The following TGM4 variants were observed in gnomAD, a reference collection of about 807,000 sequenced individuals.
The protein encoded by TGM4 is transglutaminase 4.
Under a neutral mutation model 76.3 loss-of-function variants are expected in TGM4, and 61 were observed. That is an observed-to-expected ratio of 0.80 (90% confidence interval 0.65 to 0.99). TGM4 has a LOEUF of 0.99. Among genes scored for constraint, TGM4 ranks in the 50% least tolerant of loss-of-function variants. TGM4 has a pLI of 0.00. For missense variants in TGM4, 794 were observed against 843.2 expected (o/e 0.94, Z 0.72); for synonymous variants, 337 against 329.8 (o/e 1.02, Z -0.24).
intron 6 of TGM4, 95 bp from the exon 7 acceptor site, chr3:44,901,429 G>T: frequency 2.9e-6 from 4 of 1,397,504 alleles, no homozygotes; most frequent in Non-Finnish European, 2.9e-6. Context: ...GACATTATGA[G>T]GTGTCCACTT....
At chr3:44,912,986 CTT>C (rs1700024673) in intron 13 of TGM4, among the ~76,000 whole-genome samples, 1 of 152,216 alleles carries the variant, frequency 6.6e-6, no homozygotes, top group Non-Finnish European at 1.5e-5. Flanking sequence ...TGGTCTGTTT[CTT>C]ACAGGATGTC....
intron 1 of TGM4, among the ~76,000 whole-genome samples, chr3:44,875,745 G>A (rs1699443293): frequency 6.6e-6 from 1 of 152,232 alleles, no homozygotes; most frequent in Admixed American, 6.5e-5. Flanking sequence ...TCTGCAAAGG[G>A]ACTAAGCCAG....
In TGM4 at chr3:44,913,800, T is replaced by G; in HGVS notation, c.*75T>G. 1.3e-6 allele frequency: 2 copies of G among 1,536,104 alleles called. No homozygotes were observed. Among genetic ancestry groups the G allele is most frequent in the Non-Finnish European group, 1.7e-6 (2 of 1,144,118 alleles). ...TTGTGCTTAGCTTTCAGATTATGGA[T>G]GATTAAATTTGATGACTTATATGAG... On this transcript the variant is annotated 3_prime_UTR_variant, in exon 14 of 14. Transcript: ENST00000296125.
In TGM4 at chr3:44,913,640, C is replaced by T. The variant is rs1700039297; in HGVS notation, c.1970C>T (p.Thr657Ile). The change falls in exon 14 of 14, where the codon ACT becomes ATT. Residue 657 changes from threonine to isoleucine, a missense_variant. By Grantham distance (89) the Thr-to-Ile change is moderately conservative (BLOSUM62 -1). Transcript: ENST00000296125. Reference protein sequence around the residue: ...QSQIKCTPIKTGPKKFIVKLS... With the variant: ...QSQIKCTPIKIGPKKFIVKLS... Reference sequence around the variant, plus strand: ...CAAATAAAATGCACCCCAATAAAAACTGGACCCAAGAAATTTATCGTCAAG... The same window carrying T: ...CAAATAAAATGCACCCCAATAAAAATTGGACCCAAGAAATTTATCGTCAAG... The T allele has an allele frequency of 2.5e-6, 4 of 1,614,042 alleles. No individual in the cohort carries two copies. Among genetic ancestry groups the T allele is most frequent in the Non-Finnish European group, 2.5e-6 (3 of 1,180,024 alleles).
chr3:44,906,658 T>C (rs1699925575), intron 9 of TGM4, among the ~76,000 whole-genome samples: 2 of 152,094 alleles, frequency 1.3e-5, no homozygotes, highest in Non-Finnish European at 2.9e-5. Flanking sequence ...CAGACCCAGA[T>C]TGTGTGTCTC....
chr3:44,897,629 T>A (rs1027614917), intron 6 of TGM4, among the ~76,000 whole-genome samples: 3 of 152,190 alleles, frequency 2.0e-5, no homozygotes, highest in African/African-American at 7.2e-5. Context: ...TATTTTGGTT[T>A]CAAGACCTCT....
chr3:44,874,610 C>A lies in TGM4; in HGVS notation c.-69C>A. The A allele has an allele frequency of 1.2e-6, 2 of 1,601,956 alleles. No homozygotes were observed. The highest frequency in any genetic ancestry group is 2.2e-5 in the South Asian group (2 of 90,614). On this transcript the variant is annotated 5_prime_UTR_variant, in exon 1 of 14. Coordinates refer to ENST00000296125, the MANE Select transcript of TGM4 (RefSeq NM_003241.4). The stretch of plus-strand genomic sequence containing the variant: ...AAGGGCTGTTTCCTCCCCTGAGGAC[C>A]GACTGTGTGGAAGCACCAGGCATCA...
intron 8 of TGM4, chr3:44,903,547 T>G: frequency 3.3e-6 from 1 of 302,650 alleles, no homozygotes. Flanking sequence ...ACACTGCAGA[T>G]GTCAAGACAG....
At chr3:44,906,853 G>A in intron 9 of TGM4, 96 bp from the exon 10 acceptor site, 5 of 1,551,976 alleles carry the variant, frequency 3.2e-6, no homozygotes, top group Non-Finnish European at 4.4e-6. Context: ...TTGCTTGCCA[G>A]TCCTGTTTGA....
intron 1 of TGM4, among the ~76,000 whole-genome samples, chr3:44,875,134 T>G (rs1382713476): frequency 1.3e-5 from 2 of 152,244 alleles, no homozygotes; most frequent in Non-Finnish European, 2.9e-5. Context: ...AATACAATTA[T>G]GAAGACCAGG....
chr3:44,914,596 A>C lies in TGM4; in HGVS notation c.*871A>C, dbSNP rs1331934310. 1 of 152,200 alleles carries C rather than the reference A, an allele frequency of 6.6e-6. No individual in the cohort carries two copies. Among genetic ancestry groups the C allele is most frequent in the African/African-American group, 2.4e-5 (1 of 41,420 alleles). The allele number at this position is 152,200 out of a possible 1,614,324, so 9.4% of individuals were successfully genotyped here. A position where few individuals can be genotyped will look rare whatever the true frequency, so the allele number is the denominator to read the frequency against. On this transcript the variant is annotated 3_prime_UTR_variant, in exon 14 of 14. Transcript: ENST00000296125. ...AAGCTTTAAATTAAACTCTACTTCA[A>C]GAAAACTCTGTGGTCCCTGAGTCCT...
At chr3:44,910,042 G>T (rs761150435) in intron 10 of TGM4, 48 bp from the exon 11 acceptor site, 1 of 1,582,354 alleles carries the variant, frequency 6.3e-7, no homozygotes, top group Non-Finnish European at 8.6e-7. Context: ...TGGGACATTT[G>T]GTCCTTGAAG....
intron 13 of TGM4, among the ~76,000 whole-genome samples, chr3:44,912,079 C>T (rs1222573325): frequency 6.6e-6 from 1 of 152,268 alleles, no homozygotes; most frequent in Non-Finnish European, 1.5e-5. Flanking sequence ...GATCTGCCCG[C>T]CTTGGCCTCC....
At chr3:44,908,106 T>C (rs1322637643) in intron 10 of TGM4, among the ~76,000 whole-genome samples, 1 of 152,204 alleles carries the variant, frequency 6.6e-6, no homozygotes, top group African/African-American at 2.4e-5. Context: ...GATTGTGAGC[T>C]TGTGTAAAAC....
At chr3:44,896,850 G>A (rs1307884666) in intron 6 of TGM4, 34 bp downstream of exon 6, 3 of 1,577,584 alleles carry the variant, frequency 1.9e-6, no homozygotes, top group East Asian at 4.5e-5. Context: ...ATGCTGTCTT[G>A]TACTTGCCAA....
intron 5 of TGM4, among the ~76,000 whole-genome samples, chr3:44,895,219 C>A (rs558775900): frequency 1.3e-5 from 2 of 152,172 alleles, no homozygotes; most frequent in African/African-American, 2.4e-5. Flanking sequence ...CACTTGAACC[C>A]GGGAGACGGA....
rs3749194 is a variant in TGM4, at chr3:44,910,473, G to A, written c.1606+105G>A. 9.2e-4 allele frequency: 1,274 copies of A among 1,381,054 alleles called. 17 individuals are homozygous for A. The East Asian group carries it at 0.028, about 30-fold the overall frequency. 85.5% of individuals were successfully genotyped at this position (1,381,054 alleles called of 1,614,324 possible). ...AACTTCCATACATTGATAAATTTTT[G>A]TGTGTGAGTTAACACAAACATTTAT... On this transcript the variant is annotated intron_variant, in intron 11 of 13. Transcript: ENST00000296125.
chr3:44,907,588 T>C (rs1699942573), intron 10 of TGM4, among the ~76,000 whole-genome samples: 1 of 152,188 alleles, frequency 6.6e-6, no homozygotes, highest in South Asian at 2.1e-4. Flanking sequence ...AAATTAGACA[T>C]CTTCTCAGCC....
rs992321055 is a variant in TGM4, at chr3:44,910,190, G to A, written c.1428G>A (p.Ser476=). ...TAAAAGAGAACTTTCTTCACATGTC[G>A]GTACAATCAGATGATGTGCTGCTGG... ...RPVKENFLHM[S]VQSDDVLLGN... is the part of the protein sequence containing the mutation. The change falls in exon 11 of 14, where the codon TCG becomes TCA. Residue 476 remains serine, a synonymous_variant. Coordinates refer to ENST00000296125, the MANE Select transcript of TGM4 (RefSeq NM_003241.4). 6 of 1,614,008 alleles carry A rather than the reference G, an allele frequency of 3.7e-6. No homozygotes were observed. Among genetic ancestry groups the A allele is most frequent in the African/African-American group, 1.3e-5 (1 of 74,906 alleles).
Sources: allele counts gnomAD v4.1 joint callset (sites outside exome capture counted in the v4.1 genomes callset), GRCh38; gene constraint gnomAD v4.1.1; transcripts MANE v1.5; gene names NCBI Gene and HGNC (gene_info 2026-07-23, HGNC 2026-07-21).